The following ESR2 variants were observed in gnomAD, a reference collection of about 807,000 sequenced individuals.
ESR2 encodes the protein estrogen receptor 2.
In ESR2, 36 loss-of-function variants were observed where a neutral mutation model predicts 49.6. That is an observed-to-expected ratio of 0.73 (90% CI 0.56 to 0.96). The LOEUF is 0.96. Ranked by LOEUF, ESR2 falls within the 40% of genes least tolerant of loss-of-function variation. ESR2 has a pLI of 0.00. For synonymous variants in ESR2, 320 were observed against 266.1 expected, an observed-to-expected ratio of 1.20 and a Z score of -1.97; for missense variants, 714 against 693.0, an observed-to-expected ratio of 1.03 and a Z score of -0.34.
chr14:64,324,095 C>A (rs1015404569), intron 1 of ESR2, among the ~76,000 whole-genome samples: 1 of 152,082 alleles, frequency 6.6e-6, no homozygotes, highest in South Asian at 2.1e-4. Flanking sequence ...AGTGCGGTAG[C>A]CAGACTTTTA....
At chr14:64,332,628 G>A (rs2987975) in intron 1 of ESR2, among the ~76,000 whole-genome samples, 11,811 of 151,506 alleles carry the variant, frequency 0.078, 562 homozygotes, top group Non-Finnish European at 0.099. Context: ...GTGAAACCCC[G>A]TCTCTACTAA....
chr14:64,282,331 C>T (rs1309908381), intron 2 of ESR2, among the ~76,000 whole-genome samples: 4 of 152,020 alleles, frequency 2.6e-5, no homozygotes, highest in Admixed American at 1.3e-4. Context: ...AGTGACAGAG[C>T]GAGACCCTGT....
upstream of ESR2, chr14:64,338,283 A>G (rs1256120): frequency 0.2 from 30,598 of 155,434 alleles, 3,602 homozygotes; most frequent in East Asian, 0.47. Context: ...CCAGCTCGGC[A>G]GGGCCTGAAA....
chr14:64,277,914 G>A (rs989297403), intron 3 of ESR2, among the ~76,000 whole-genome samples: 7 of 151,738 alleles, frequency 4.6e-5, no homozygotes, highest in African/African-American at 1.7e-4. Context: ...ACTTTCAATT[G>A]TTATTAGCTG....
At chr14:64,259,269 C>A (rs1596403754) in intron 5 of ESR2, among the ~76,000 whole-genome samples, 1 of 152,296 alleles carries the variant, frequency 6.6e-6, no homozygotes, top group East Asian at 1.9e-4. Flanking sequence ...CAACAAAAGT[C>A]CCCAAATGAT....
chr14:64,288,986 CA>C (rs35178946), intron 1 of ESR2, among the ~76,000 whole-genome samples: 1,748 of 55,672 alleles, frequency 0.031, 18 homozygotes, highest in African/African-American at 0.074. Context: ...AACTCTGTCT[CA>C]AAAAAAAAAA....
chr14:64,307,187 A>ATTAAT (rs1210557761), intron 1 of ESR2, among the ~76,000 whole-genome samples: 4 of 150,966 alleles, frequency 2.6e-5, no homozygotes, highest in Admixed American at 1.3e-4. Flanking sequence ...CTAGAGGTTT[A>ATTAAT]TTAATTTAAT....
intron 1 of ESR2, among the ~76,000 whole-genome samples, chr14:64,288,927 G>A (rs1459567514): frequency 3.4e-5 from 5 of 148,126 alleles, no homozygotes; most frequent in African/African-American, 5.0e-5. Context: ...TGGAGGTTGC[G>A]GTGAGCCGAG....
chr14:64,256,384 C>A (rs1036723014), intron 6 of ESR2, among the ~76,000 whole-genome samples: 2 of 152,074 alleles, frequency 1.3e-5, no homozygotes, highest in Non-Finnish European at 1.5e-5. Context: ...TTTTAGTAAC[C>A]CTTCCTTCCA....
intron 3 of ESR2, among the ~76,000 whole-genome samples, chr14:64,278,485 G>C (rs773876586): frequency 2.6e-5 from 4 of 152,174 alleles, no homozygotes; most frequent in Non-Finnish European, 5.9e-5. Context: ...AGTTAATTTA[G>C]TAAATTGCTA....
Position 64,245,509 on chromosome 14 carries a change from C to CAAA in ESR2, c.1225+4034_1225+4036dup, listed in dbSNP as rs56160081. Reference sequence around the variant, plus strand: ...CCTGGGCGACAGGGCAAGACTCTGTCAAAAAAAAAAAAAAAAAAAAAAAAA... The same window carrying CAAA: ...CCTGGGCGACAGGGCAAGACTCTGTCAAAAAAAAAAAAAAAAAAAAAAAAAAAA... On this transcript the variant is annotated intron_variant, in intron 7 of 8. Transcript: ENST00000341099. Among the ~76,000 whole-genome samples the CAAA allele has an allele frequency of 3.5e-3, 232 of 65,466 alleles. 3 individuals are homozygous for CAAA. The highest frequency in any genetic ancestry group is 0.014 in the African/African-American group (219 of 15,792). The allele number at this position is 65,466 out of a possible 152,430, so 42.9% of individuals were successfully genotyped here.
At chr14:64,311,548 G>A (rs73269910) in intron 1 of ESR2, among the ~76,000 whole-genome samples, 292 of 151,412 alleles carry the variant, frequency 1.9e-3, no homozygotes, top group African/African-American at 6.9e-3. Flanking sequence ...GCAGAGATGA[G>A]AGAATAATTG....
In ESR2 at chr14:64,260,720, G is replaced by C; in HGVS notation, c.681C>G (p.Arg227=). The stretch of plus-strand genomic sequence containing the variant: ...CGGCACTTCTCTGTCTCCGCACAAG[G>C]CGGTACCCACATCTCTCTCTCCGGG... ...CGSRRERCGY[R]LVRRQRSADE... The change falls in exon 5 of 9, where the codon CGC becomes CGG. Residue 227 remains arginine, a synonymous_variant. Coordinates refer to ENST00000341099, the MANE Select transcript of ESR2 (RefSeq NM_001437.3). 6.6e-7 allele frequency: 1 copy of C among 1,522,644 alleles called. No individual in the cohort carries two copies. The highest frequency in any genetic ancestry group is 1.3e-5 in the South Asian group (1 of 77,888). The allele number at this position is 1,522,644 out of a possible 1,614,324, so 94.3% of individuals were successfully genotyped here.
At chr14:64,296,510 A>C (rs1466815570), upstream of ESR2, among the ~76,000 whole-genome samples, 1 of 152,222 alleles carries the variant, frequency 6.6e-6, no homozygotes, top group Non-Finnish European at 1.5e-5. Context: ...AAGGTTAAAC[A>C]ACCTCCCTAT....
chr14:64,295,053 C>G (rs2076938433), upstream of ESR2, among the ~76,000 whole-genome samples: 1 of 152,224 alleles, frequency 6.6e-6, no homozygotes, highest in Non-Finnish European at 1.5e-5. Flanking sequence ...CCCAGTTCCC[C>G]CAGCTTAATG....
chr14:64,310,333 C>A (rs1365689167), intron 1 of ESR2, among the ~76,000 whole-genome samples: 1 of 145,918 alleles, frequency 6.9e-6, no homozygotes, highest in East Asian at 1.9e-4. Context: ...GGGTGTAGAG[C>A]AGCTTCAAAT....
intron 3 of ESR2, among the ~76,000 whole-genome samples, chr14:64,275,564 G>A (rs1482919151): frequency 3.3e-5 from 5 of 152,062 alleles, no homozygotes; most frequent in South Asian, 4.1e-4. Flanking sequence ...TTAGCCAGGC[G>A]TGGTGGTGGG....
rs148174506 is a variant in ESR2, at chr14:64,331,254, T to C, written c.-91+6644A>G. 5.6e-3 allele frequency among the ~76,000 whole-genome samples: 845 copies of C among 152,250 alleles called. 8 individuals are homozygous for C. Among genetic ancestry groups the C allele is most frequent in the African/African-American group, 0.019 (799 of 41,538 alleles). ...ACAACCTAGACTATAGGGCAAAAAG[T>C]ATTACATGAAATAAGTGAGATTTCA... On this transcript the variant is annotated intron_variant, in intron 1 of 8. Coordinates refer to the ESR2 transcript ENST00000358599.
intron 1 of ESR2, chr14:64,329,894 T>C (rs1292969872): frequency 6.6e-6 from 1 of 152,218 alleles, no homozygotes; most frequent in African/African-American, 2.4e-5. Flanking sequence ...ATCCCAGCAC[T>C]TTGGGAGGCC....
Sources: gnomAD v4.1 joint callset for allele counts (sites outside exome capture counted in the v4.1 genomes callset) on GRCh38, gnomAD v4.1.1 for gene constraint, MANE v1.5 for transcripts, NCBI Gene and HGNC (gene_info 2026-07-23, HGNC 2026-07-21) for gene names.